OXNAD1: variants seen among roughly 807,000 people sequenced by gnomAD.
OXNAD1 encodes oxidoreductase NAD binding domain containing 1, also known as oxidoreductase NAD-binding domain-containing protein 1.
Under a neutral mutation model 32.9 loss-of-function variants are expected in OXNAD1, and 34 were observed. The ratio of observed to expected loss-of-function variants is 1.03; its 90% confidence interval spans 0.79 to 1.38. The LOEUF (loss-of-function observed/expected upper bound fraction) is 1.38, where lower values mean the gene tolerates loss of function less well. Among genes scored for constraint, OXNAD1 ranks in the 40% most tolerant of loss-of-function variants. The pLI is 0.00. For missense variants in OXNAD1, 407 were observed against 379.4 expected (o/e 1.07, Z -0.60); for synonymous variants, 134 against 135.2 (o/e 0.99, Z 0.06).
rs2065460024 is a variant in OXNAD1, at chr3:16,277,882, TTTATTCTTA to T, written c.183+6161_183+6169del. 6.6e-6 allele frequency among the ~76,000 whole-genome samples: 1 copy of T among 152,228 alleles called. No individual in the cohort carries two copies. Among genetic ancestry groups the T allele is most frequent in the Admixed American group, 6.5e-5 (1 of 15,286 alleles). The stretch of plus-strand genomic sequence containing the variant: ...ATGTTTGTGTTCAAGTTTTATTCAT[TTTATTCTTA>T]AGAATCAAAAGAATAAGCAGTCTGA... On this transcript the variant is annotated intron_variant, in intron 4 of 8. Transcript: ENST00000285083. The surrounding 1 kb of genome is among the most constrained non-coding windows in gnomAD (Gnocchi z 4.3).
rs541425893 is a variant in OXNAD1 at position 16,319,272 on chromosome 3, G to T, written c.*30+15680G>T. Among the ~76,000 whole-genome samples the T allele has an allele frequency of 6.0e-4, 91 of 152,338 alleles. 1 individual carries two copies. In the South Asian group the frequency reaches 0.018, roughly 30 times the overall value. ...AGGCAGTTGGCTCTCAGGGAAGTCA[G>T]AGGAAGTTTTACTGTTGCCAAAAAA... On this transcript the variant is annotated intron_variant, in intron 9 of 9. Transcript: ENST00000435829.
chr3:16,318,144 C>A (rs1434248118), intron 9 of OXNAD1, among the ~76,000 whole-genome samples: 1 of 152,042 alleles, frequency 6.6e-6, no homozygotes, highest in Non-Finnish European at 1.5e-5. Flanking sequence ...CTCATCAAAT[C>A]TCTGGAGCAA....
At position 16,336,862 on chromosome 3, in the gene OXNAD1, T is replaced by C. The variant is rs2070901701; in HGVS notation, c.*31-250T>C. 6.6e-6 allele frequency among the ~76,000 whole-genome samples: 1 copy of C among 152,258 alleles called. No homozygotes were observed. Among genetic ancestry groups the C allele is most frequent in the South Asian group, 2.1e-4 (1 of 4,816 alleles). On this transcript the variant is annotated intron_variant, in intron 9 of 9. Transcript: ENST00000435829. This position sits in a 1 kb window ranked among gnomAD's most constrained non-coding sequence, Gnocchi z 6.0. ...TTTAGGAGCTCAACGAAATAAAAAA[T>C]AATAATTGTTATTATTACATGAAAC...
intron 4 of OXNAD1, among the ~76,000 whole-genome samples, chr3:16,273,299 T>TA (rs1361462847): frequency 6.6e-6 from 1 of 152,040 alleles, no homozygotes; most frequent in East Asian, 1.9e-4. Context: ...TTTCTTACCT[T>TA]ACAGAATTCT....
Position 16,303,172 on chromosome 3 carries a change from C to T in OXNAD1, c.785-236C>T, listed in dbSNP as rs544515246. ...CCAGTAAGCTAGCTGGCCCTTTCTGCAGAGTGCATTACGATGAGCTTCCCA... is the reference window on the plus strand; with the variant it reads ...CCAGTAAGCTAGCTGGCCCTTTCTGTAGAGTGCATTACGATGAGCTTCCCA... On this transcript the variant is annotated intron_variant, in intron 8 of 8. Coordinates refer to ENST00000285083, the MANE Select transcript of OXNAD1 (RefSeq NM_138381.5). This position sits in a 1 kb window ranked among gnomAD's most constrained non-coding sequence, Gnocchi z 4.8. Among the ~76,000 whole-genome samples the T allele has an allele frequency of 1.6e-3, 246 of 152,310 alleles. 1 individual carries two copies. Among genetic ancestry groups the T allele is most frequent in the Non-Finnish European group, 1.5e-3 (105 of 68,030 alleles).
Position 16,335,940 on chromosome 3 carries a change from G to A in OXNAD1, c.*31-1172G>A, listed in dbSNP as rs1258530750. ...CCGACAGCAAGGACTGGTGGCAGCTGCTAGTGCAGAGGAGGCAGAGCATGC... is the reference window on the plus strand; with the variant it reads ...CCGACAGCAAGGACTGGTGGCAGCTACTAGTGCAGAGGAGGCAGAGCATGC... On this transcript the variant is annotated intron_variant, in intron 9 of 9. Coordinates refer to the OXNAD1 transcript ENST00000435829. This position sits in a 1 kb window ranked among gnomAD's most constrained non-coding sequence, Gnocchi z 4.7. Among the ~76,000 whole-genome samples, 1 of 152,256 alleles carries A rather than the reference G, an allele frequency of 6.6e-6. No individual in the cohort carries two copies. Among genetic ancestry groups the A allele is most frequent in the African/African-American group, 2.4e-5 (1 of 41,474 alleles).
Position 16,345,790 on chromosome 3 carries a change from G to C in OXNAD1, c.*31-3386G>C, listed in dbSNP as rs1010515356. On this transcript the variant is annotated intron_variant, in intron 9 of 9. Coordinates refer to the OXNAD1 transcript ENST00000606098. This position sits in a 1 kb window ranked among gnomAD's most constrained non-coding sequence, Gnocchi z 5.2. Reference sequence around the variant, plus strand: ...AGCCAAAACCTTATAATAAATCTCTGTGTGTGTGTGTGTGTGTGTGTGTGT... The same window carrying C: ...AGCCAAAACCTTATAATAAATCTCTCTGTGTGTGTGTGTGTGTGTGTGTGT... 7.8e-4 allele frequency among the ~76,000 whole-genome samples: 50 copies of C among 64,070 alleles called. 3 individuals carry two copies. The South Asian group carries it at 9.9e-3, about 13-fold the overall frequency. 42.0% of individuals were successfully genotyped at this position (64,070 alleles called of 152,430 possible). A position where few individuals can be genotyped will look rare whatever the true frequency, so the allele number is the denominator to read the frequency against.
At position 16,298,707 on chromosome 3, in the gene OXNAD1, A is replaced by G. The variant is rs1317266163; in HGVS notation, c.433-2919A>G. Among the ~76,000 whole-genome samples the G allele has an allele frequency of 2.0e-5, 3 of 152,130 alleles. No individual in the cohort carries two copies. The highest frequency in any genetic ancestry group is 7.2e-5 in the African/African-American group (3 of 41,428). On this transcript the variant is annotated intron_variant, in intron 6 of 8. Transcript: ENST00000285083. The surrounding 1 kb of genome is among the most constrained non-coding windows in gnomAD (Gnocchi z 5.1). ...TGCCATAAACGTCTTCCTTTATTTT[A>G]TCTGCTTTGGCTCAAGCTCTTGGCA...
rs922421493 is a variant in OXNAD1 at position 16,336,416 on chromosome 3, G to A, written c.*31-696G>A. Among the ~76,000 whole-genome samples, 4 of 152,148 alleles carry A rather than the reference G, an allele frequency of 2.6e-5. No homozygotes were observed. The highest frequency in any genetic ancestry group is 6.5e-5 in the Admixed American group (1 of 15,278). On this transcript the variant is annotated intron_variant, in intron 9 of 9. Coordinates refer to the OXNAD1 transcript ENST00000435829. The surrounding 1 kb of genome is among the most constrained non-coding windows in gnomAD (Gnocchi z 6.0). ...AAGGGAAGGGGCGACCTGCTGCTCT[G>A]TGGAGAAACAGCAAAGCCCTCTGCA...
At chr3:16,272,409 G>T in intron 4 of OXNAD1, 1 of 204,264 alleles carries the variant, frequency 4.9e-6, no homozygotes. Flanking sequence ...GATATATTTA[G>T]CTTAGTGTTA....
Position 16,345,816 on chromosome 3 carries a change from G to GTA in OXNAD1, c.*31-3359_*31-3358insAT, listed in dbSNP as rs2071645201. 8.1e-6 allele frequency among the ~76,000 whole-genome samples: 1 copy of GTA among 123,204 alleles called. No homozygotes were observed. The highest frequency in any genetic ancestry group is 1.7e-5 in the Non-Finnish European group (1 of 59,338). 80.8% of individuals were successfully genotyped at this position (123,204 alleles called of 152,430 possible). A position where few individuals can be genotyped will look rare whatever the true frequency, so the allele number is the denominator to read the frequency against. On this transcript the variant is annotated intron_variant, in intron 9 of 9. Coordinates refer to the OXNAD1 transcript ENST00000606098. The surrounding 1 kb of genome is among the most constrained non-coding windows in gnomAD (Gnocchi z 5.2). ...TGTGTGTGTGTGTGTGTGTGTGTGT[G>GTA]TGCGCGCGCGCGTGCGCGCACGCGC...
chr3:16,273,516 C>T (rs769024687), intron 4 of OXNAD1, among the ~76,000 whole-genome samples: 46 of 151,914 alleles, frequency 3.0e-4, no homozygotes, highest in Non-Finnish European at 5.6e-4. Context: ...GCCTAAGCCT[C>T]CTGATTAGCG....
At chr3:16,291,544 C>A (rs1437408804) in intron 5 of OXNAD1, among the ~76,000 whole-genome samples, 1 of 152,198 alleles carries the variant, frequency 6.6e-6, no homozygotes, top group African/African-American at 2.4e-5. Context: ...TGGCTTCTTT[C>A]ACTTAACATG....
chr3:16,298,489 A>C lies in OXNAD1; in HGVS notation c.433-3137A>C, dbSNP rs1431014068. The stretch of plus-strand genomic sequence containing the variant: ...GTGTTATTGCCTGAATGCACATCCT[A>C]ATTGTAGTGCCTGCTCTACTCTGCC... On this transcript the variant is annotated intron_variant, in intron 6 of 8. Coordinates refer to ENST00000285083, the MANE Select transcript of OXNAD1 (RefSeq NM_138381.5). This position sits in a 1 kb window ranked among gnomAD's most constrained non-coding sequence, Gnocchi z 5.1. Among the ~76,000 whole-genome samples the C allele has an allele frequency of 6.6e-6, 1 of 152,082 alleles. No individual in the cohort carries two copies. Among genetic ancestry groups the C allele is most frequent in the Non-Finnish European group, 1.5e-5 (1 of 68,018 alleles).
chr3:16,342,469 T>TAC lies in OXNAD1; in HGVS notation c.*31-6705_*31-6704dup, dbSNP rs1304559658. On this transcript the variant is annotated intron_variant, in intron 9 of 9. Coordinates refer to the OXNAD1 transcript ENST00000606098. This position sits in a 1 kb window ranked among gnomAD's most constrained non-coding sequence, Gnocchi z 4.0. ...TAAGTTGTTTCTACTTTTTGGACAT[T>TAC]ACAAATAAAGCTGCCATCAACATTA... 6.6e-6 allele frequency among the ~76,000 whole-genome samples: 1 copy of TAC among 152,234 alleles called. No homozygotes were observed. The highest frequency in any genetic ancestry group is 1.5e-5 in the Non-Finnish European group (1 of 68,042).
At position 16,329,553 on chromosome 3, in the gene OXNAD1, C is replaced by T. The variant is rs1435303395; in HGVS notation, c.*31-7559C>T. ...GCCTGGCCTCTGGGCACACGCACAC[C>T]TCCCTTCCAGACCAGCACAGCCCGT... On this transcript the variant is annotated intron_variant, in intron 9 of 9. Transcript: ENST00000435829. The surrounding 1 kb of genome is among the most constrained non-coding windows in gnomAD (Gnocchi z 4.5). Among the ~76,000 whole-genome samples the T allele has an allele frequency of 6.6e-6, 1 of 152,146 alleles. No individual in the cohort carries two copies. Among genetic ancestry groups the T allele is most frequent in the Non-Finnish European group, 1.5e-5 (1 of 68,022 alleles).
At chr3:16,311,356 T>A (rs1045241111) in intron 9 of OXNAD1, among the ~76,000 whole-genome samples, 2 of 152,038 alleles carry the variant, frequency 1.3e-5, no homozygotes, top group African/African-American at 4.8e-5. Context: ...CCACCACGCC[T>A]AATTTTTGTA....
chr3:16,286,008 T>C (rs2066047664), intron 4 of OXNAD1, among the ~76,000 whole-genome samples: 1 of 152,176 alleles, frequency 6.6e-6, no homozygotes, highest in South Asian at 2.1e-4. Flanking sequence ...GAGTTCCAAT[T>C]CCCTGAGCTC....
intron 9 of OXNAD1, among the ~76,000 whole-genome samples, chr3:16,331,588 CAT>C (rs771688758): frequency 6.6e-6 from 1 of 152,160 alleles, no homozygotes; most frequent in Non-Finnish European, 1.5e-5. Context: ...ATTTATCCCA[CAT>C]GTTGCAATAC....
Sources: allele counts gnomAD v4.1 joint callset (sites outside exome capture counted in the v4.1 genomes callset), GRCh38; gene constraint gnomAD v4.1.1; non-coding constraint Gnocchi (gnomAD v3.1); transcripts MANE v1.5; gene names NCBI Gene and HGNC (gene_info 2026-07-23, HGNC 2026-07-21).